CCDC126: variants seen among roughly 807,000 people sequenced by gnomAD.
CCDC126 encodes the protein coiled-coil domain-containing protein 126.
In CCDC126, 5 loss-of-function variants were observed where a neutral mutation model predicts 11.7. That is an observed-to-expected ratio of 0.43 (90% CI 0.22 to 0.90). The LOEUF (loss-of-function observed/expected upper bound fraction) is 0.90. CCDC126 is among the 40% of genes least tolerant of loss of function. CCDC126 has a pLI of 0.27. For missense variants in CCDC126, 150 were observed against 163.1 expected (o/e 0.92, Z 0.44); for synonymous variants, 60 against 61.9 (o/e 0.97, Z 0.14).
rs1445665066 is a variant in CCDC126 at position 23,606,890 on chromosome 7, A to G, written c.-145-4281A>G. Among the ~76,000 whole-genome samples the G allele has an allele frequency of 3.3e-5, 5 of 152,046 alleles. No homozygotes were observed. In the East Asian group the frequency reaches 7.7e-4, roughly 23 times the overall value. The stretch of plus-strand genomic sequence containing the variant: ...GATCACGTGATGAGGCAGGAGGATC[A>G]CGTGAGACCAGACTGGGCAACGTAA... On this transcript the variant is annotated intron_variant, in intron 2 of 3. Coordinates refer to ENST00000307471, the MANE Select transcript of CCDC126 (RefSeq NM_138771.4).
intron 2 of CCDC126, among the ~76,000 whole-genome samples, chr7:23,606,123 A>T (rs1364464359): frequency 6.6e-6 from 1 of 151,888 alleles, no homozygotes; most frequent in Non-Finnish European, 1.5e-5. Context: ...CAGTCGCGTG[A>T]TCTCTGCTTA....
At chr7:23,632,717 T>TCC (rs1217460111) in intron 3 of CCDC126, among the ~76,000 whole-genome samples, 4 of 152,214 alleles carry the variant, frequency 2.6e-5, no homozygotes, top group African/African-American at 9.6e-5. Flanking sequence ...AAAGTTAATT[T>TCC]AACAATTAAG....
At chr7:23,640,887 T>A (rs1408085555) in intron 3 of CCDC126, among the ~76,000 whole-genome samples, 2 of 152,224 alleles carry the variant, frequency 1.3e-5, no homozygotes, top group Admixed American at 1.3e-4. Context: ...TTTATCTGTT[T>A]ATCTGTTGAT....
chr7:23,598,214 C>T (rs753594113), intron 2 of CCDC126, 163 bp downstream of exon 2: 3 of 152,228 alleles, frequency 2.0e-5, no homozygotes, highest in Non-Finnish European at 4.4e-5. Context: ...TCCATCAAAA[C>T]ACACACCTGT....
At chr7:23,611,007 A>T (rs999412722) in intron 2 of CCDC126, among the ~76,000 whole-genome samples, 164 bp from the exon 3 acceptor site, 2 of 152,220 alleles carry the variant, frequency 1.3e-5, no homozygotes, top group South Asian at 4.1e-4. Flanking sequence ...AAAGATACGT[A>T]AGTGAGACTG....
At chr7:23,622,018 T>C (rs1782912925) in intron 3 of CCDC126, among the ~76,000 whole-genome samples, 1 of 152,196 alleles carries the variant, frequency 6.6e-6, no homozygotes, top group Non-Finnish European at 1.5e-5. Flanking sequence ...TTGTTGTTCA[T>C]CAGGGATATT....
Position 23,611,222 on chromosome 7 carries a change from A to G in CCDC126, c.-94A>G. ...TGAAGATGAAGAATATACAATATTG[A>G]GGATATTTTTTTCTTTTTTTTTTCA... On this transcript the variant is annotated 5_prime_UTR_variant, in exon 3 of 4. The change abolishes the stop of an existing upstream ORF in the 5' untranslated region. Transcript: ENST00000307471. The G allele has an allele frequency of 1.3e-6, 1 of 754,258 alleles. No individual in the cohort carries two copies. Among genetic ancestry groups the G allele is most frequent in the South Asian group, 1.6e-5 (1 of 60,824 alleles). The allele number at this position is 754,258 out of a possible 1,614,324, so 46.7% of individuals were successfully genotyped here. A position where few individuals can be genotyped will look rare whatever the true frequency, so the allele number is the denominator to read the frequency against.
At chr7:23,638,880 AAAAAAG>A (rs1364154185) in intron 3 of CCDC126, among the ~76,000 whole-genome samples, 5 of 148,628 alleles carry the variant, frequency 3.4e-5, no homozygotes, top group Non-Finnish European at 7.5e-5. Context: ...AAAAAAAAAA[AAAAAAG>A]ACTGTCCCCT....
rs112421919 is a variant in CCDC126 at position 23,635,295 on chromosome 7, T to C, written c.239-7636T>C. 6.6e-3 allele frequency among the ~76,000 whole-genome samples: 1,009 copies of C among 152,324 alleles called. 9 individuals carry two copies. Among genetic ancestry groups the C allele is most frequent in the Non-Finnish European group, 0.011 (756 of 68,036 alleles). On this transcript the variant is annotated intron_variant, in intron 3 of 3. Transcript: ENST00000307471. ...GCTGGGTGAGCTGAGAGTAAAAGGA[T>C]AGATAGGATAGGATCTCTGTTTCCA...
At position 23,611,227 on chromosome 7, in the gene CCDC126, AT is replaced by A. The variant is rs1381427293; in HGVS notation, c.-82del. ...ATGAAGAATATACAATATTGAGGATATTTTTTTCTTTTTTTTTTCAAGTCTT... is the reference window on the plus strand; with the variant it reads ...ATGAAGAATATACAATATTGAGGATATTTTTTCTTTTTTTTTTCAAGTCTT... On this transcript the variant is annotated 5_prime_UTR_variant, in exon 3 of 4. Transcript: ENST00000307471. 3.8e-6 allele frequency: 3 copies of A among 784,976 alleles called. No individual in the cohort carries two copies. The highest frequency in any genetic ancestry group is 1.9e-5 in the African/African-American group (1 of 53,298). 48.6% of individuals were successfully genotyped at this position (784,976 alleles called of 1,614,324 possible). A position where few individuals can be genotyped will look rare whatever the true frequency, so the allele number is the denominator to read the frequency against.
intron 2 of CCDC126, among the ~76,000 whole-genome samples, chr7:23,604,780 A>G (rs1278984264): frequency 1.3e-5 from 2 of 152,078 alleles, no homozygotes; most frequent in Non-Finnish European, 2.9e-5. Flanking sequence ...GTGGATCACA[A>G]GGTCAGGAGA....
At chr7:23,617,688 C>A (rs1782818673) in intron 3 of CCDC126, among the ~76,000 whole-genome samples, 1 of 152,138 alleles carries the variant, frequency 6.6e-6, no homozygotes, top group South Asian at 2.1e-4. Flanking sequence ...CAGACACCAG[C>A]CACTAGTTAG....
intron 2 of CCDC126, among the ~76,000 whole-genome samples, chr7:23,600,271 A>T (rs1358618795): frequency 6.6e-6 from 1 of 150,798 alleles, no homozygotes; most frequent in African/African-American, 2.4e-5. Context: ...CTTGACACTC[A>T]TTATTTCCGT....
At chr7:23,621,218 A>C (rs1562494396) in intron 3 of CCDC126, among the ~76,000 whole-genome samples, 1 of 152,230 alleles carries the variant, frequency 6.6e-6, no homozygotes, top group African/African-American at 2.4e-5. Context: ...TGAGCATGGA[A>C]TGTTCTTCCA....
At chr7:23,640,024 A>G (rs1416769693) in intron 3 of CCDC126, among the ~76,000 whole-genome samples, 5 of 151,792 alleles carry the variant, frequency 3.3e-5, no homozygotes, top group Admixed American at 1.3e-4. Flanking sequence ...CTCTACTAAA[A>G]ATACAAAAAT....
chr7:23,638,661 C>T (rs10225172), intron 3 of CCDC126, among the ~76,000 whole-genome samples: 42,372 of 96,094 alleles, frequency 0.44, 10,126 homozygotes, highest in South Asian at 0.61. Flanking sequence ...CCACTATTGT[C>T]CTATGACCCT....
chr7:23,606,250 G>A (rs1396829494), intron 2 of CCDC126, among the ~76,000 whole-genome samples: 1 of 151,958 alleles, frequency 6.6e-6, no homozygotes, highest in Non-Finnish European at 1.5e-5. Context: ...AGTAGAGACG[G>A]GGTTTCATCA....
At chr7:23,601,054 T>G (rs1056130953) in intron 2 of CCDC126, among the ~76,000 whole-genome samples, 1 of 140,120 alleles carries the variant, frequency 7.1e-6, no homozygotes, top group Non-Finnish European at 1.5e-5. Flanking sequence ...ATATCAATAA[T>G]TAAAAAAAAA....
intron 3 of CCDC126, among the ~76,000 whole-genome samples, chr7:23,617,369 A>G (rs1351797788): frequency 6.6e-6 from 1 of 151,470 alleles, no homozygotes; most frequent in Admixed American, 6.6e-5. Context: ...AAAAAAAAAA[A>G]AAAAAGAAAA....
Sources: allele counts gnomAD v4.1 joint callset (sites outside exome capture counted in the v4.1 genomes callset), GRCh38; gene constraint gnomAD v4.1.1; transcripts MANE v1.5; gene names NCBI Gene and HGNC (gene_info 2026-07-23, HGNC 2026-07-21).